The following CNTNAP5 variants were observed in gnomAD, a reference collection of about 807,000 sequenced individuals.
The protein encoded by CNTNAP5 is contactin associated protein family member 5.
In CNTNAP5, 72 loss-of-function variants were observed where a neutral mutation model predicts 150.2. The observed-to-expected ratio is 0.48, with a 90% CI of 0.40 to 0.58. The LOEUF (loss-of-function observed/expected upper bound fraction) is 0.58. Among genes scored for constraint, CNTNAP5 ranks in the 20% least tolerant of loss-of-function variants. CNTNAP5 has a pLI of 0.00. For missense variants in CNTNAP5, 1,636 were observed against 1,626.2 expected, an observed-to-expected ratio of 1.01 and a Z score of -0.10; for synonymous variants, 672 against 619.8, an observed-to-expected ratio of 1.08 and a Z score of -1.25.
intron 11 of CNTNAP5, among the ~76,000 whole-genome samples, chr2:124,599,009 C>G (rs931368060): frequency 1.2e-4 from 18 of 152,162 alleles, no homozygotes; most frequent in Non-Finnish European, 2.1e-4. Flanking sequence ...GGCTCACGCA[C>G]GGTGCGCACA....
At chr2:124,045,686 T>C (rs1681513272) in intron 1 of CNTNAP5, among the ~76,000 whole-genome samples, 1 of 152,234 alleles carries the variant, frequency 6.6e-6, no homozygotes, top group South Asian at 2.1e-4. Context: ...AAATGCACTG[T>C]GTAGACAATA....
chr2:124,683,220 A>G (rs1197139393), intron 13 of CNTNAP5, among the ~76,000 whole-genome samples: 1 of 152,156 alleles, frequency 6.6e-6, no homozygotes, highest in East Asian at 1.9e-4. Context: ...TACTATGTAG[A>G]TTCTTTTCAG....
At chr2:124,597,479 C>A (rs1245255645) in intron 11 of CNTNAP5, among the ~76,000 whole-genome samples, 1 of 150,248 alleles carries the variant, frequency 6.7e-6, no homozygotes, top group Non-Finnish European at 1.5e-5. Context: ...CCCCCACTCT[C>A]TTCTGGCTTG....
chr2:124,556,574 G>A (rs144273610), intron 10 of CNTNAP5, among the ~76,000 whole-genome samples: 26 of 152,248 alleles, frequency 1.7e-4, no homozygotes, highest in East Asian at 7.7e-4. Flanking sequence ...GGTCAAGAAC[G>A]GAAGCTGGAA....
intron 3 of CNTNAP5, among the ~76,000 whole-genome samples, chr2:124,249,898 G>A (rs1248997630): frequency 6.6e-6 from 1 of 152,084 alleles, no homozygotes; most frequent in African/African-American, 2.4e-5. Context: ...TAATGACTGA[G>A]TTGAAGAGAT....
intron 11 of CNTNAP5, among the ~76,000 whole-genome samples, chr2:124,581,961 A>G (rs899858028): frequency 2.0e-5 from 3 of 152,186 alleles, no homozygotes; most frequent in African/African-American, 7.2e-5. Flanking sequence ...CTGTTTCACA[A>G]ACACGGAGGC....
At chr2:124,449,143 A>G (rs1157101135) in intron 6 of CNTNAP5, among the ~76,000 whole-genome samples, 4 of 152,218 alleles carry the variant, frequency 2.6e-5, no homozygotes, top group African/African-American at 9.7e-5. Flanking sequence ...TGGATAAAAT[A>G]TGCCATTCAT....
chr2:124,538,899 G>A (rs1244147166), intron 10 of CNTNAP5, among the ~76,000 whole-genome samples: 1 of 152,158 alleles, frequency 6.6e-6, no homozygotes, highest in African/African-American at 2.4e-5. Flanking sequence ...CCAACATCCC[G>A]ATAAGAGCCT....
At chr2:124,100,156 T>C (rs1475383657) in intron 1 of CNTNAP5, among the ~76,000 whole-genome samples, 1 of 152,114 alleles carries the variant, frequency 6.6e-6, no homozygotes, top group Admixed American at 6.5e-5. Flanking sequence ...GAGCAGGCAC[T>C]TCACATGGCA....
At chr2:124,086,429 T>C (rs1682694164) in intron 1 of CNTNAP5, among the ~76,000 whole-genome samples, 1 of 151,514 alleles carries the variant, frequency 6.6e-6, no homozygotes, top group Non-Finnish European at 1.5e-5. Context: ...GGTCTCGATC[T>C]CCTGACCTCG....
At chr2:124,384,294 C>A (rs1690877067) in intron 3 of CNTNAP5, among the ~76,000 whole-genome samples, 2 of 152,048 alleles carry the variant, frequency 1.3e-5, no homozygotes, top group African/African-American at 4.8e-5. Context: ...CAACATTTTT[C>A]CTATGCATAA....
chr2:124,025,368 T>G lies in CNTNAP5; in HGVS notation c.-283T>G. ...CTGTCGTTCTAATTGGGTTTGGATTTGCACCGTTAAGGAGGGGGGAAGAGA... is the reference window on the plus strand; with the variant it reads ...CTGTCGTTCTAATTGGGTTTGGATTGGCACCGTTAAGGAGGGGGGAAGAGA... On this transcript the variant is annotated 5_prime_UTR_variant, in exon 1 of 24. Coordinates refer to ENST00000682447, the MANE Select transcript of CNTNAP5 (RefSeq NM_001367498.1). 1 of 462,740 alleles carries G rather than the reference T, an allele frequency of 2.2e-6. No homozygotes were observed. The highest frequency in any genetic ancestry group is 4.0e-6 in the Non-Finnish European group (1 of 250,556). 28.7% of individuals were successfully genotyped at this position (462,740 alleles called of 1,614,324 possible).
intron 10 of CNTNAP5, among the ~76,000 whole-genome samples, chr2:124,535,372 G>T (rs1228799696): frequency 1.3e-5 from 2 of 152,114 alleles, no homozygotes; most frequent in African/African-American, 4.8e-5. Context: ...TTCCAAAGAG[G>T]AGATCCCATG....
chr2:124,845,499 T>C (rs1161401850), intron 19 of CNTNAP5, among the ~76,000 whole-genome samples: 1 of 151,742 alleles, frequency 6.6e-6, no homozygotes, highest in Non-Finnish European at 1.5e-5. Flanking sequence ...AATGGCTTCA[T>C]AGAGTGATTT....
intron 17 of CNTNAP5, among the ~76,000 whole-genome samples, chr2:124,786,802 C>G (rs1403125373): frequency 6.6e-6 from 1 of 152,038 alleles, no homozygotes; most frequent in African/African-American, 2.4e-5. Context: ...TCCAATAACT[C>G]TCTACACATA....
At chr2:124,035,910 C>T (rs201521193) in intron 1 of CNTNAP5, among the ~76,000 whole-genome samples, 3 of 76,536 alleles carry the variant, frequency 3.9e-5, no homozygotes, top group Non-Finnish European at 4.4e-5. Flanking sequence ...AGGATGAACT[C>T]TTTTTTTTTT....
Position 124,527,326 on chromosome 2 carries a change from A to G in CNTNAP5, c.1519A>G (p.Ile507Val), listed in dbSNP as rs200602463. ...NLTDSQCLNP[I>V]KAFQGCMRLI... ...CACCGATTCCCAATGTTTAAATCCCATTAAGGCTTTCCAAGGCTGCATGAG... is the reference window on the plus strand; with the variant it reads ...CACCGATTCCCAATGTTTAAATCCCGTTAAGGCTTTCCAAGGCTGCATGAG... The change falls in exon 10 of 24, where the codon ATT becomes GTT. Residue 507 changes from isoleucine (I) to valine (V), a missense_variant. Coordinates refer to ENST00000682447, the MANE Select transcript of CNTNAP5 (RefSeq NM_001367498.1). 57 of 1,613,758 alleles carry G rather than the reference A, an allele frequency of 3.5e-5. No individual in the cohort carries two copies. In the African/African-American group the frequency reaches 6.8e-4, roughly 19 times the overall value.
At chr2:124,142,670 G>A (rs1159508607) in intron 1 of CNTNAP5, among the ~76,000 whole-genome samples, 4 of 128,478 alleles carry the variant, frequency 3.1e-5, no homozygotes, top group African/African-American at 1.2e-4. Flanking sequence ...AGCACTAAAT[G>A]CCTACAAGAG....
At chr2:124,482,171 C>G (rs542667296) in intron 7 of CNTNAP5, among the ~76,000 whole-genome samples, 1 of 152,310 alleles carries the variant, frequency 6.6e-6, no homozygotes, top group East Asian at 1.9e-4. Flanking sequence ...GACCACTCCC[C>G]CATTCGAAGA....
Sources: allele counts gnomAD v4.1 joint callset (sites outside exome capture counted in the v4.1 genomes callset), GRCh38; gene constraint gnomAD v4.1.1; transcripts MANE v1.5; gene names NCBI Gene and HGNC (gene_info 2026-07-23, HGNC 2026-07-21).